The following SEC31A variants were observed in gnomAD, a reference collection of about 807,000 sequenced individuals.
SEC31A encodes protein transport protein Sec31A.
In SEC31A, 70 loss-of-function variants were observed where a neutral mutation model predicts 151.0. The ratio of observed to expected loss-of-function variants is 0.46; its 90% CI spans 0.38 to 0.57. The LOEUF is 0.57. SEC31A is among the 20% of genes least tolerant of loss of function. The probability of loss-of-function intolerance (pLI) is 0.00; values close to 1 mark genes in which losing one functional copy is unlikely to be tolerated. For missense variants in SEC31A, 1,330 were observed against 1,471.2 expected (o/e 0.90, Z 1.57); for synonymous variants, 475 against 505.9 (o/e 0.94, Z 0.82).
chr4:82,853,245 C>A (rs950881531), intron 18 of SEC31A, among the ~76,000 whole-genome samples: 1 of 152,172 alleles, frequency 6.6e-6, no homozygotes, highest in African/African-American at 2.4e-5. Context: ...TTTCTTTGCT[C>A]ATGGCAGGCA....
chr4:82,821,884 CTACT>C (rs1723445046), intron 25 of SEC31A, among the ~76,000 whole-genome samples: 1 of 152,106 alleles, frequency 6.6e-6, no homozygotes, highest in Non-Finnish European at 1.5e-5. Flanking sequence ...TTCAAAAATA[CTACT>C]TAAACACTTA....
intron 14 of SEC31A, among the ~76,000 whole-genome samples, chr4:82,858,983 G>A (rs1332416891): frequency 6.6e-6 from 1 of 152,020 alleles, no homozygotes; most frequent in African/African-American, 2.4e-5. Flanking sequence ...TTACAGGCGT[G>A]AGCCACCACG....
At chr4:82,830,030 C>T (rs925008035) in intron 22 of SEC31A, among the ~76,000 whole-genome samples, 3 of 152,128 alleles carry the variant, frequency 2.0e-5, no homozygotes, top group East Asian at 1.9e-4. Flanking sequence ...TTCCAATAAA[C>T]GTTCTTTCAA....
At position 82,871,941 on chromosome 4, in the gene SEC31A, T is replaced by C. The variant is rs767088142; in HGVS notation, c.782+3A>G. The C allele has an allele frequency of 1.5e-5, 24 of 1,613,966 alleles. 1 individual carries two copies. The South Asian group carries it at 2.3e-4, about 16-fold the overall frequency. ...CAAGTTCTTTGTAACAGCAGCACGA[T>C]ACCTGGCATGGTTTTCCAGGACACG... On this transcript the variant is annotated splice_donor_region_variant and intron_variant, in intron 7 of 26. Coordinates refer to ENST00000395310, the MANE Select transcript of SEC31A (RefSeq NM_001077207.4).
chr4:82,890,854 T>G (rs1719568027), intron 1 of SEC31A: 1 of 1,343,964 alleles, frequency 7.4e-7, no homozygotes, highest in South Asian at 1.8e-5. Flanking sequence ...GGGTGGCTTT[T>G]GCTCAGCAGT....
At chr4:82,870,298 A>C (rs763414116) in intron 8 of SEC31A, 27 bp downstream of exon 8, 1 of 1,556,576 alleles carries the variant, frequency 6.4e-7, no homozygotes, top group Non-Finnish European at 8.9e-7. Context: ...AAGGGCTACA[A>C]GGTTGAGACA....
chr4:82,885,142 A>T (rs1439393583), intron 1 of SEC31A, among the ~76,000 whole-genome samples: 1 of 152,140 alleles, frequency 6.6e-6, no homozygotes, highest in Non-Finnish European at 1.5e-5. Context: ...GCCCTTCAGA[A>T]CTACTTTGTC....
At chr4:82,830,987 A>G (rs1051933660) in intron 22 of SEC31A, 2 of 1,185,124 alleles carry the variant, frequency 1.7e-6, no homozygotes, top group Admixed American at 5.6e-5. Context: ...TGTAGACAAA[A>G]TGTAAAAATT....
At chr4:82,856,931 C>A in intron 16 of SEC31A, 21 bp downstream of exon 16, 1 of 1,581,176 alleles carries the variant, frequency 6.3e-7, no homozygotes, top group African/African-American at 1.4e-5. Flanking sequence ...TACGTTATTG[C>A]TTATTTTTAA....
chr4:82,821,075 G>A lies in SEC31A; in HGVS notation c.3445C>T (p.Arg1149Cys), dbSNP rs930451853. The A allele has an allele frequency of 2.5e-6, 4 of 1,613,810 alleles. No homozygotes were observed. The highest frequency in any genetic ancestry group is 1.1e-5 in the South Asian group (1 of 91,068). The change falls in exon 26 of 27, where the codon CGT becomes TGT. Residue 1149 changes from arginine to cysteine, a missense_variant. Coordinates refer to ENST00000395310, the MANE Select transcript of SEC31A (RefSeq NM_001077207.4). Reference protein sequence around the residue: ...TKRKLDDASKRLEFLYDKLRE... With the variant: ...TKRKLDDASKCLEFLYDKLRE... ...AGTTTATCATACAGAAACTCCAAACGTTTGCTGGCATCATCTAGCTTCCTC... is the reference window on the plus strand; with the variant it reads ...AGTTTATCATACAGAAACTCCAAACATTTGCTGGCATCATCTAGCTTCCTC...
In SEC31A at chr4:82,891,147, A is replaced by C. The variant is rs1441880817; in HGVS notation, c.-64T>G. Reference sequence around the variant, plus strand: ...AGTGCAGCGCTCGTCGGACTCTCCCAGCATTCGCCGCCGCCCCTCCTCCCC... The same window carrying C: ...AGTGCAGCGCTCGTCGGACTCTCCCCGCATTCGCCGCCGCCCCTCCTCCCC... On this transcript the variant is annotated 5_prime_UTR_variant, in exon 1 of 27. Transcript: ENST00000395310. 2.0e-6 allele frequency: 3 copies of C among 1,535,828 alleles called. No homozygotes were observed. The highest frequency in any genetic ancestry group is 1.7e-6 in the Non-Finnish European group (2 of 1,146,736).
chr4:82,871,274 C>A, intron 7 of SEC31A: 2 of 1,359,400 alleles, frequency 1.5e-6, no homozygotes, highest in South Asian at 3.3e-5. Flanking sequence ...ACAAATTATC[C>A]TATTTGTATA....
upstream of SEC31A, chr4:82,895,889 T>G (rs1720042882): frequency 6.6e-6 from 1 of 152,244 alleles, no homozygotes; most frequent in African/African-American, 2.4e-5. Flanking sequence ...CAACAAATCA[T>G]GATGTGAACA....
chr4:82,891,012 G>T, intron 1 of SEC31A, 76 bp downstream of exon 1: 1 of 1,525,088 alleles, frequency 6.6e-7, no homozygotes, highest in Non-Finnish European at 8.8e-7. Flanking sequence ...CCAGGCTGCG[G>T]TCCCAGTTTT....
chr4:82,893,000 T>C (rs1482566502), upstream of SEC31A: 1 of 152,210 alleles, frequency 6.6e-6, no homozygotes, highest in African/African-American at 2.4e-5. Context: ...ACTGAATTGC[T>C]CACTAGAAGA....
At chr4:82,870,810 T>A (rs572596638) in intron 7 of SEC31A, among the ~76,000 whole-genome samples, 103 of 152,330 alleles carry the variant, frequency 6.8e-4, no homozygotes, top group African/African-American at 2.4e-3. Flanking sequence ...TACAAATACA[T>A]GGATGTTCAA....
At chr4:82,865,583 T>TATAC (rs1560638362) in intron 10 of SEC31A, among the ~76,000 whole-genome samples, 21 of 99,706 alleles carry the variant, frequency 2.1e-4, no homozygotes, top group South Asian at 6.5e-4. Flanking sequence ...TATATATATA[T>TATAC]ACAATGCAAT....
At chr4:82,893,949 A>G (rs1261327876), upstream of SEC31A, 1 of 152,206 alleles carries the variant, frequency 6.6e-6, no homozygotes, top group Non-Finnish European at 1.5e-5. Context: ...GGAAACAAAA[A>G]GTCAGAAGGT....
At chr4:82,851,755 G>T in intron 18 of SEC31A, 151 bp from the exon 19 acceptor site, 2 of 642,882 alleles carry the variant, frequency 3.1e-6, no homozygotes. Flanking sequence ...CACTATTTAG[G>T]TAAGTGAAAA....
Sources: allele counts gnomAD v4.1 joint callset (sites outside exome capture counted in the v4.1 genomes callset), GRCh38; gene constraint gnomAD v4.1.1; transcripts MANE v1.5; gene names NCBI Gene and HGNC (gene_info 2026-07-23, HGNC 2026-07-21).